Variants in MYO10 observed in about 807,000 individuals in gnomAD.
MYO10 encodes the protein unconventional myosin-X.
Under a neutral mutation model 257.3 loss-of-function variants are expected in MYO10, and 133 were observed. The ratio of observed to expected loss-of-function variants is 0.52; its 90% CI spans 0.45 to 0.60. The LOEUF (loss-of-function observed/expected upper bound fraction) is 0.60. MYO10 is among the 20% of genes least tolerant of loss of function. The probability of loss-of-function intolerance (pLI) is 0.00; values close to 1 mark genes in which losing one functional copy is unlikely to be tolerated. For synonymous variants in MYO10, 1,104 were observed against 1,028.6 expected (o/e 1.07, Z -1.40); for missense variants, 2,399 against 2,635.7 (o/e 0.91, Z 1.97).
At chr5:16,678,845 TC>T (rs2126488672) in intron 33 of MYO10, among the ~76,000 whole-genome samples, 1 of 152,276 alleles carries the variant, frequency 6.6e-6, no homozygotes, top group East Asian at 1.9e-4. Flanking sequence ...CCCAGCTCTG[TC>T]CCTTGCCCTG....
chr5:16,688,253 T>C (rs1579828059), intron 28 of MYO10, among the ~76,000 whole-genome samples: 1 of 152,192 alleles, frequency 6.6e-6, no homozygotes, highest in East Asian at 1.9e-4. Context: ...TAAGCAGGTG[T>C]TTTAGTTTGT....
At chr5:16,848,766 AG>A (rs1320052078) in intron 2 of MYO10, among the ~76,000 whole-genome samples, 4 of 151,690 alleles carry the variant, frequency 2.6e-5, no homozygotes, top group African/African-American at 7.3e-5. Context: ...TGCTGGTCTC[AG>A]TGGCTATAAT....
intron 1 of MYO10, among the ~76,000 whole-genome samples, chr5:16,890,175 A>G (rs774779240): frequency 6.6e-6 from 1 of 151,920 alleles, no homozygotes; most frequent in Non-Finnish European, 1.5e-5. Context: ...TCACAAAATC[A>G]TACTTCCTGG....
chr5:16,804,991 C>T (rs1214796670), intron 3 of MYO10, among the ~76,000 whole-genome samples: 1 of 152,194 alleles, frequency 6.6e-6, no homozygotes, highest in Non-Finnish European at 1.5e-5. Context: ...CCATCTTAAA[C>T]TTACCACCCC....
At position 16,711,009 on chromosome 5, in the gene MYO10, T is replaced by C. The variant is rs1738575426; in HGVS notation, c.2068A>G (p.Met690Val). 6.2e-7 allele frequency: 1 copy of C among 1,614,016 alleles called. No individual in the cohort carries two copies. Among genetic ancestry groups the C allele is most frequent in the East Asian group, 2.2e-5 (1 of 44,870 alleles). Residue 690 changes from methionine (M) to valine (V), a missense_variant, in exon 21 of 41, where the codon ATG (methionine) becomes GTG (valine). Met to Val is a conservative substitution (Grantham distance 21, BLOSUM62 1). Around this residue, in one of 3 missense-constraint regions of MYO10, gnomAD observed 1,820 missense variants for 1,939.4 expected, o/e 0.94. Coordinates refer to ENST00000513610, the MANE Select transcript of MYO10 (RefSeq NM_012334.3). The stretch of plus-strand genomic sequence containing the variant: ...TCCTCAGGCAGAGCCAGATTCCTCA[T>C]CAGCACTTTATACCTGCAACGTGAA... ...QDFYKRYKVL[M>V]RNLALPEDVR...
At chr5:16,879,023 C>T (rs754593809) in intron 1 of MYO10, among the ~76,000 whole-genome samples, 3 of 151,680 alleles carry the variant, frequency 2.0e-5, no homozygotes, top group East Asian at 1.9e-4. Flanking sequence ...ACTTTTATGA[C>T]GTTTACCCAT....
At chr5:16,711,916 T>A (rs1738638516) in intron 19 of MYO10, among the ~76,000 whole-genome samples, 1 of 152,200 alleles carries the variant, frequency 6.6e-6, no homozygotes, top group African/African-American at 2.4e-5. Context: ...TTAATATCCA[T>A]GTTCACATTT....
chr5:16,829,973 C>G (rs1743117213), intron 2 of MYO10, among the ~76,000 whole-genome samples: 1 of 152,068 alleles, frequency 6.6e-6, no homozygotes. Context: ...GGTGCGGTGG[C>G]TCACACCTCT....
chr5:16,914,995 C>A (rs1325142641), intron 1 of MYO10, among the ~76,000 whole-genome samples: 5 of 152,118 alleles, frequency 3.3e-5, no homozygotes, highest in Non-Finnish European at 7.3e-5. Flanking sequence ...GCCAAAGTCA[C>A]CAGCAGCAAA....
At chr5:16,731,446 C>T (rs141656892) in intron 19 of MYO10, among the ~76,000 whole-genome samples, 1,532 of 151,920 alleles carry the variant, frequency 0.01, 26 homozygotes, top group African/African-American at 0.034. Context: ...CAGGTTCAAG[C>T]GATTCTCCTG....
intron 2 of MYO10, among the ~76,000 whole-genome samples, chr5:16,829,566 A>G (rs253325): frequency 0.069 from 10,478 of 152,230 alleles, 1,133 homozygotes; most frequent in African/African-American, 0.23. Flanking sequence ...ACAACATCAT[A>G]AAGCTGCTGG....
intron 19 of MYO10, among the ~76,000 whole-genome samples, chr5:16,715,318 G>C (rs1334159737): frequency 1.3e-5 from 2 of 149,848 alleles, no homozygotes; most frequent in Admixed American, 6.6e-5. Context: ...GCGTATAAAT[G>C]TAGTCATGTA....
At chr5:16,891,810 G>A (rs1745069264) in intron 1 of MYO10, among the ~76,000 whole-genome samples, 1 of 151,992 alleles carries the variant, frequency 6.6e-6, no homozygotes, top group Admixed American at 6.6e-5. Flanking sequence ...TAGTTTTTGT[G>A]GAGTTTCCAT....
intron 2 of MYO10, among the ~76,000 whole-genome samples, chr5:16,862,805 C>A (rs1303321028): frequency 6.6e-6 from 1 of 152,138 alleles, no homozygotes; most frequent in Non-Finnish European, 1.5e-5. Flanking sequence ...TCGAAAGCAA[C>A]CACAGGGGTC....
At chr5:16,908,251 G>T (rs769822133) in intron 1 of MYO10, among the ~76,000 whole-genome samples, 2 of 151,902 alleles carry the variant, frequency 1.3e-5, no homozygotes, top group Middle Eastern at 3.4e-3. Flanking sequence ...TAATAGGCTG[G>T]GCACAGTGGC....
intron 19 of MYO10, among the ~76,000 whole-genome samples, chr5:16,726,440 A>G (rs1450725978): frequency 6.6e-6 from 1 of 152,196 alleles, no homozygotes; most frequent in East Asian, 1.9e-4. Flanking sequence ...TAGCAACTCT[A>G]TGAGGTAGAT....
chr5:16,726,818 G>T (rs557380992), intron 19 of MYO10, among the ~76,000 whole-genome samples: 1 of 152,254 alleles, frequency 6.6e-6, no homozygotes, highest in South Asian at 2.1e-4. Context: ...TAGAGTGAGG[G>T]CTTGTAAACC....
At chr5:16,677,876 T>C (rs1160158355) in intron 33 of MYO10, among the ~76,000 whole-genome samples, 1 of 151,912 alleles carries the variant, frequency 6.6e-6, no homozygotes, top group Non-Finnish European at 1.5e-5. Context: ...GTCTTCTGCC[T>C]CAGCCTCCCA....
chr5:16,919,300 C>T (rs1327360252), intron 1 of MYO10, among the ~76,000 whole-genome samples: 1 of 152,148 alleles, frequency 6.6e-6, no homozygotes, highest in East Asian at 1.9e-4. Context: ...ATCTCTTGAA[C>T]CCAGGAGACG....
Sources: gnomAD v4.1 joint callset for allele counts (sites outside exome capture counted in the v4.1 genomes callset) on GRCh38, gnomAD v4.1.1 for gene constraint, gnomAD v4.1.1 regional missense constraint, MANE v1.5 for transcripts, NCBI Gene and HGNC (gene_info 2026-07-23, HGNC 2026-07-21) for gene names.